EPB41L4A: variants seen among roughly 807,000 people sequenced by gnomAD.
The protein encoded by EPB41L4A is band 4.1-like protein 4A.
A neutral mutation model predicts 108.6 loss-of-function variants in EPB41L4A; 100 were observed. The observed-to-expected ratio is 0.92, with a 90% confidence interval of 0.78 to 1.09. The LOEUF (loss-of-function observed/expected upper bound fraction) is 1.09. Ranked by LOEUF, EPB41L4A falls within the 50% of genes least tolerant of loss-of-function variation. The pLI, the probability that EPB41L4A is intolerant of heterozygous loss-of-function variation, is 0.00. For missense variants in EPB41L4A, 1,030 were observed against 842.7 expected, an observed-to-expected ratio of 1.22 and a Z score of -2.75; for synonymous variants, 319 against 289.0, an observed-to-expected ratio of 1.10 and a Z score of -1.05.
chr5:112,271,837 A>C (rs1334240972), intron 4 of EPB41L4A, among the ~76,000 whole-genome samples: 1 of 152,204 alleles, frequency 6.6e-6, no homozygotes, highest in African/African-American at 2.4e-5. Flanking sequence ...GAGCTTTCCT[A>C]CCTAAAAGTG....
At position 112,215,622 on chromosome 5, in the gene EPB41L4A, G is replaced by A. The variant is rs537891157; in HGVS notation, c.1088-5640C>T. ...ACTAAAAATACAAAAAATTAGCCAG[G>A]CGTGCTGGCAGGTGCCTGTGGTCCC... On this transcript the variant is annotated intron_variant, in intron 12 of 22. Transcript: ENST00000261486. 1.9e-4 allele frequency among the ~76,000 whole-genome samples: 29 copies of A among 152,068 alleles called. 1 individual carries two copies. The highest frequency in any genetic ancestry group is 6.7e-4 in the African/African-American group (28 of 41,488).
chr5:112,355,666 G>A (rs180756330), intron 1 of EPB41L4A, among the ~76,000 whole-genome samples: 13 of 152,226 alleles, frequency 8.5e-5, no homozygotes, highest in African/African-American at 1.9e-4. Context: ...ATGTTTTGCC[G>A]AAGAACACCA....
At chr5:112,230,010 A>G (rs1039159236) in intron 12 of EPB41L4A, among the ~76,000 whole-genome samples, 1 of 151,628 alleles carries the variant, frequency 6.6e-6, no homozygotes, top group Non-Finnish European at 1.5e-5. Flanking sequence ...AAAAAGAATA[A>G]TGGTCTCCAA....
chr5:112,347,414 A>C (rs554436933), intron 1 of EPB41L4A, among the ~76,000 whole-genome samples: 2 of 152,304 alleles, frequency 1.3e-5, no homozygotes, highest in African/African-American at 4.8e-5. Context: ...TTGATCATTC[A>C]TATCTGCTCA....
chr5:112,399,545 T>C (rs1761600247), intron 1 of EPB41L4A, among the ~76,000 whole-genome samples: 1 of 152,156 alleles, frequency 6.6e-6, no homozygotes, highest in Non-Finnish European at 1.5e-5. Flanking sequence ...TCACTATCTT[T>C]TTTTCTCTAC....
chr5:112,194,191 T>C (rs1444818069), intron 17 of EPB41L4A, among the ~76,000 whole-genome samples: 1 of 152,190 alleles, frequency 6.6e-6, no homozygotes, highest in Admixed American at 6.5e-5. Flanking sequence ...CAATGAGTTA[T>C]TTTTGGTTGG....
At chr5:112,345,166 G>C (rs1274290840) in intron 1 of EPB41L4A, among the ~76,000 whole-genome samples, 1 of 152,142 alleles carries the variant, frequency 6.6e-6, no homozygotes. Context: ...ATGGCCCACA[G>C]CATGTCCAGA....
chr5:112,323,212 G>T (rs1755917764), intron 1 of EPB41L4A, among the ~76,000 whole-genome samples: 1 of 152,058 alleles, frequency 6.6e-6, no homozygotes, highest in African/African-American at 2.4e-5. Context: ...CTGGAAAGGA[G>T]GGAAGAGGGA....
intron 7 of EPB41L4A, among the ~76,000 whole-genome samples, chr5:112,261,706 C>A (rs2150443238): frequency 6.6e-6 from 1 of 152,286 alleles, no homozygotes; most frequent in South Asian, 2.1e-4. Context: ...TCTATTAATG[C>A]AGTGATACCT....
At chr5:112,275,181 T>C (rs1480171699) in intron 4 of EPB41L4A, 145 bp downstream of exon 4, 8 of 1,044,600 alleles carry the variant, frequency 7.7e-6, no homozygotes, top group Non-Finnish European at 1.1e-5. Flanking sequence ...GCAATGCTAG[T>C]TTAAATTTTA....
chr5:112,262,836 T>C (rs1751589109), intron 6 of EPB41L4A, among the ~76,000 whole-genome samples: 1 of 152,296 alleles, frequency 6.6e-6, no homozygotes, highest in South Asian at 2.1e-4. Flanking sequence ...CCAGCATATA[T>C]TAAAAATTCT....
At chr5:112,375,596 C>A (rs1759769021) in intron 1 of EPB41L4A, among the ~76,000 whole-genome samples, 1 of 152,134 alleles carries the variant, frequency 6.6e-6, no homozygotes, top group Non-Finnish European at 1.5e-5. Flanking sequence ...AACAAAAATT[C>A]TTCAATGATC....
At chr5:112,147,931 T>C (rs1444964803) in intron 12 of EPB41L4A, among the ~76,000 whole-genome samples, 2 of 151,248 alleles carry the variant, frequency 1.3e-5, no homozygotes, top group African/African-American at 4.9e-5. Flanking sequence ...CCCAGCTACT[T>C]GGGAAGCTGA....
chr5:112,241,967 T>A (rs1183797127), intron 9 of EPB41L4A, among the ~76,000 whole-genome samples: 1 of 152,242 alleles, frequency 6.6e-6, no homozygotes, highest in African/African-American at 2.4e-5. Flanking sequence ...TTAAAAATAC[T>A]TCATTGGTGA....
intron 1 of EPB41L4A, among the ~76,000 whole-genome samples, chr5:112,355,100 C>T (rs142934655): frequency 0.011 from 1,607 of 152,252 alleles, 25 homozygotes; most frequent in South Asian, 0.033. Context: ...TAAAATTTCA[C>T]ATAAAGACAT....
Position 112,169,003 on chromosome 5 carries a change from C to G in EPB41L4A, c.1842G>C (p.Ser614=), listed in dbSNP as rs773332244. ...CTGGCCTGCCCACTTACTTCACTTC[C>G]GAGAGAACTGATCGCTCCCCATCTG... The part of the protein sequence containing the change: ...QCSDGERSVL[S]EVNSKTDLVP... Residue 614 remains serine (S), a synonymous_variant, in exon 21 of 23, where the codon TCG becomes TCC. Coordinates refer to ENST00000261486, the MANE Select transcript of EPB41L4A (RefSeq NM_022140.5). 6.2e-7 allele frequency: 1 copy of G among 1,612,750 alleles called. No homozygotes were observed. The highest frequency in any genetic ancestry group is 1.7e-5 in the Admixed American group (1 of 60,024).
intron 1 of EPB41L4A, among the ~76,000 whole-genome samples, chr5:112,379,516 C>T (rs1760033522): frequency 6.6e-6 from 1 of 152,150 alleles, no homozygotes; most frequent in South Asian, 2.1e-4. Flanking sequence ...AGGTTATTAG[C>T]AGGAGACCAA....
intron 18 of EPB41L4A, among the ~76,000 whole-genome samples, chr5:112,182,240 T>C (rs1761196663): frequency 6.6e-6 from 1 of 152,260 alleles, no homozygotes; most frequent in African/African-American, 2.4e-5. Context: ...TGAGAGGATC[T>C]GGCTGTATGT....
intron 17 of EPB41L4A, chr5:112,191,985 T>G (rs900986805): frequency 6.6e-6 from 1 of 152,146 alleles, no homozygotes; most frequent in African/African-American, 2.4e-5. Context: ...CAAGATTCTG[T>G]TTGCCCCATT....
Sources: gnomAD v4.1 joint callset for allele counts (sites outside exome capture counted in the v4.1 genomes callset) on GRCh38, gnomAD v4.1.1 for gene constraint, MANE v1.5 for transcripts, NCBI Gene and HGNC (gene_info 2026-07-23, HGNC 2026-07-21) for gene names.